MSH5: variants seen among roughly 807,000 people sequenced by gnomAD.
The protein encoded by MSH5 is mutS protein homolog 5.
In MSH5, 78 loss-of-function variants were observed where a neutral mutation model predicts 107.7. That is an observed-to-expected ratio of 0.72 (90% CI 0.60 to 0.87). The LOEUF (loss-of-function observed/expected upper bound fraction) is 0.87, where lower values mean the gene tolerates loss of function less well. MSH5 is among the 40% of genes least tolerant of loss of function. The probability of loss-of-function intolerance (pLI) is 0.00; values close to 1 mark genes in which losing one functional copy is unlikely to be tolerated. For missense variants in MSH5, 889 were observed against 1,046.6 expected (o/e 0.85, Z 2.08); for synonymous variants, 326 against 399.5 (o/e 0.82, Z 2.19).
Position 31,758,810 on chromosome 6 carries a change from G to T in MSH5, c.1261G>T (p.Ala421Ser). 3.1e-6 allele frequency: 5 copies of T among 1,614,230 alleles called. No homozygotes were observed. The highest frequency in any genetic ancestry group is 4.2e-6 in the Non-Finnish European group (5 of 1,180,044). The change falls in exon 15 of 25, where the codon GCC (alanine) becomes TCC (serine). Residue 421 changes from alanine to serine, a missense_variant. Coordinates refer to ENST00000375750, the MANE Select transcript of MSH5 (RefSeq NM_172166.4). The surrounding 1 kb of genome is among the most constrained non-coding windows in gnomAD (Gnocchi z 5.1). Reference protein sequence around the residue: ...MGLPSFLTEVARKELENLDSR... With the variant: ...MGLPSFLTEVSRKELENLDSR... ...ACTTCCCAGTTTCCTTACTGAGGTTGCCCGCAAGGAGCTGGAGAATCTGGA... is the reference window on the plus strand; with the variant it reads ...ACTTCCCAGTTTCCTTACTGAGGTTTCCCGCAAGGAGCTGGAGAATCTGGA...
Position 31,758,124 on chromosome 6 carries a change from G to A in MSH5, c.1015-41G>A. ...TGTCCCTATCACCACCTCAACCCGA[G>A]CTGGATGTGGCCTGTCCTCCTTTTT... On this transcript the variant is annotated intron_variant, in intron 12 of 24. Coordinates refer to ENST00000375750, the MANE Select transcript of MSH5 (RefSeq NM_172166.4). The surrounding 1 kb of genome is among the most constrained non-coding windows in gnomAD (Gnocchi z 5.1). 2 of 1,611,260 alleles carry A rather than the reference G, an allele frequency of 1.2e-6. No individual in the cohort carries two copies. The highest frequency in any genetic ancestry group is 2.7e-5 in the African/African-American group (2 of 75,002).
chr6:31,741,336 TACACACACACACACACACACACACACAC>T (rs9279401), intron 3 of MSH5, 50 bp downstream of exon 3: 40 of 897,366 alleles, frequency 4.5e-5, no homozygotes, highest in African/African-American at 3.7e-4. Context: ...GCAGATGTGT[TACACACACACACACACACACACACACAC>T]ACACACACAC....
intron 10 of MSH5, among the ~76,000 whole-genome samples, chr6:31,750,157 T>G (rs1809820417): frequency 1.3e-5 from 2 of 152,174 alleles, no homozygotes; most frequent in African/African-American, 2.4e-5. Context: ...ATCATATAAC[T>G]TGAAGAATCA....
chr6:31,747,859 C>G (rs1484507996), intron 10 of MSH5, among the ~76,000 whole-genome samples: 3 of 152,120 alleles, frequency 2.0e-5, no homozygotes, highest in Non-Finnish European at 4.4e-5. Context: ...CAAAAATTAG[C>G]CAAGCGTGTT....
At chr6:31,741,354 C>G in intron 3 of MSH5, 68 bp downstream of exon 3, 1 of 1,191,876 alleles carries the variant, frequency 8.4e-7, no homozygotes. Flanking sequence ...CACACACACA[C>G]ACACACACAC....
chr6:31,750,489 CTT>C (rs1480776965), intron 10 of MSH5, among the ~76,000 whole-genome samples: 2 of 152,222 alleles, frequency 1.3e-5, no homozygotes, highest in African/African-American at 4.8e-5. Context: ...GGCGGTATGA[CTT>C]TGGGCAAGTT....
At chr6:31,744,694 C>A in intron 8 of MSH5, 113 bp downstream of exon 8, 1 of 1,190,580 alleles carries the variant, frequency 8.4e-7, no homozygotes, top group Non-Finnish European at 1.2e-6. Context: ...ATTAAGATCT[C>A]TCTCCTTGAA....
In MSH5 at chr6:31,760,652, G is replaced by A. The variant is rs1380895387; in HGVS notation, c.1813-38G>A. 6.8e-6 allele frequency: 11 copies of A among 1,612,050 alleles called. No homozygotes were observed. The highest frequency in any genetic ancestry group is 5.3e-5 in the African/African-American group (4 of 74,900). On this transcript the variant is annotated intron_variant, in intron 19 of 24. Coordinates refer to ENST00000375750, the MANE Select transcript of MSH5 (RefSeq NM_172166.4). The surrounding 1 kb of genome is among the most constrained non-coding windows in gnomAD (Gnocchi z 5.6). ...GAGCCTCACTTTCACCTCAGCCCACGGCACCAGGCCCCAGGCCCTGTCTCC... is the reference window on the plus strand; with the variant it reads ...GAGCCTCACTTTCACCTCAGCCCACAGCACCAGGCCCCAGGCCCTGTCTCC...
chr6:31,746,892 C>T (rs547570658), intron 9 of MSH5, among the ~76,000 whole-genome samples: 44 of 152,154 alleles, frequency 2.9e-4, no homozygotes, highest in South Asian at 1.2e-3. Flanking sequence ...GCGCGATCTC[C>T]GCTCACTGCA....
intron 12 of MSH5, among the ~76,000 whole-genome samples, chr6:31,756,316 C>A: frequency 6.6e-6 from 1 of 151,758 alleles, no homozygotes; most frequent in South Asian, 2.1e-4. Flanking sequence ...GACTTACAGG[C>A]GCACACCACC....
chr6:31,750,259 G>A (rs769562920), intron 10 of MSH5, among the ~76,000 whole-genome samples: 2 of 152,084 alleles, frequency 1.3e-5, no homozygotes, highest in Non-Finnish European at 2.9e-5. Flanking sequence ...TACCTCTAAC[G>A]TACAAAAAGA....
intron 10 of MSH5, among the ~76,000 whole-genome samples, chr6:31,752,550 ACT>A (rs1810057101): frequency 6.6e-6 from 1 of 151,470 alleles, no homozygotes; most frequent in African/African-American, 2.4e-5. Flanking sequence ...TGAAACCCTG[ACT>A]CTACTAAAAA....
At chr6:31,744,939 G>A (rs561123069) in intron 8 of MSH5, among the ~76,000 whole-genome samples, 31 of 151,790 alleles carry the variant, frequency 2.0e-4, no homozygotes, top group Admixed American at 1.7e-3. Context: ...GTAAAACCCC[G>A]TCTCTACTAA....
At chr6:31,745,860 T>C (rs899394794) in intron 9 of MSH5, among the ~76,000 whole-genome samples, 1 of 149,272 alleles carries the variant, frequency 6.7e-6, no homozygotes, top group African/African-American at 2.5e-5. Flanking sequence ...CTCTGCCTCC[T>C]GGGTTCACAC....
At chr6:31,747,563 C>G in intron 10 of MSH5, 131 bp downstream of exon 10, 1 of 875,698 alleles carries the variant, frequency 1.1e-6, no homozygotes. Flanking sequence ...AAGCAACTGC[C>G]CTTTACTGAG....
rs183062393 is a variant in MSH5, at chr6:31,740,787, C to T, written c.147+174C>T. On this transcript the variant is annotated intron_variant, in intron 2 of 24. Transcript: ENST00000375750. This position sits in a 1 kb window ranked among gnomAD's most constrained non-coding sequence, Gnocchi z 4.4. ...ACCAGCCTGGGCAACATGGCGAAAC[C>T]CCGTCTCTACTAAAAATATAAAAAT... 5.3e-5 allele frequency among the ~76,000 whole-genome samples: 8 copies of T among 152,198 alleles called. No individual in the cohort carries two copies. In the East Asian group the frequency reaches 1.5e-3, roughly 29 times the overall value.
rs555252577 is a variant in MSH5, at chr6:31,755,323, T to A, written c.1014+1694T>A. The stretch of plus-strand genomic sequence containing the variant: ...ATGGCCATCACACCGAACTAAGTTT[T>A]TATTTTTTGCTTGCATTTATTTATT... On this transcript the variant is annotated intron_variant, in intron 12 of 24. Coordinates refer to ENST00000375750, the MANE Select transcript of MSH5 (RefSeq NM_172166.4). Among the ~76,000 whole-genome samples, 652 of 147,660 alleles carry A rather than the reference T, an allele frequency of 4.4e-3. 22 individuals carry two copies. The South Asian group carries it at 0.085, about 19-fold the overall frequency.
At chr6:31,745,798 C>T (rs531490287) in intron 9 of MSH5, among the ~76,000 whole-genome samples, 61 of 140,480 alleles carry the variant, frequency 4.3e-4, no homozygotes, top group Admixed American at 1.4e-3. Flanking sequence ...TACAGAGTCT[C>T]GCTCTGTCGC....
At chr6:31,762,050 C>T in intron 23 of MSH5, 62 bp from the exon 24 acceptor site, 1 of 1,612,484 alleles carries the variant, frequency 6.2e-7, no homozygotes. Context: ...GGATTTCTGA[C>T]CCTTATTTCC....
Sources: gnomAD v4.1 joint callset for allele counts (sites outside exome capture counted in the v4.1 genomes callset) on GRCh38, gnomAD v4.1.1 for gene constraint, Gnocchi (gnomAD v3.1) non-coding constraint, MANE v1.5 for transcripts, NCBI Gene and HGNC (gene_info 2026-07-23, HGNC 2026-07-21) for gene names.